The following MEF2D variants were observed in gnomAD, a reference collection of about 807,000 sequenced individuals.
The protein encoded by MEF2D is myocyte enhancer factor 2D, also known as myocyte-specific enhancer factor 2D.
A neutral mutation model predicts 59.3 loss-of-function variants in MEF2D; 10 were observed. The observed-to-expected ratio is 0.17, with a 90% CI of 0.10 to 0.29. MEF2D has a LOEUF of 0.29. MEF2D is among the 10% of genes least tolerant of loss of function. MEF2D has a pLI of 1.00. For synonymous variants in MEF2D, 305 were observed against 295.0 expected, an observed-to-expected ratio of 1.03 and a Z score of -0.35; for missense variants, 508 against 699.4, an observed-to-expected ratio of 0.73 and a Z score of 3.09.
At chr1:156,488,553 C>T (rs1380518925) in intron 1 of MEF2D, among the ~76,000 whole-genome samples, 1 of 152,146 alleles carries the variant, frequency 6.6e-6, no homozygotes, top group African/African-American at 2.4e-5. Flanking sequence ...CAGGTACCGA[C>T]CCAATTAGAA....
intron 9 of MEF2D, among the ~76,000 whole-genome samples, chr1:156,469,241 GAA>G (rs1336678792): frequency 1.3e-5 from 2 of 152,172 alleles, no homozygotes; most frequent in Admixed American, 6.5e-5. Context: ...TTAACAGGAT[GAA>G]AAGATGTGGT....
intron 1 of MEF2D, among the ~76,000 whole-genome samples, chr1:156,490,867 C>G (rs1421462989): frequency 6.6e-6 from 1 of 152,200 alleles, no homozygotes; most frequent in African/African-American, 2.4e-5. Context: ...GTCTTCCTCA[C>G]CCCAGCTTGT....
chr1:156,481,084 AG>A (rs1671983581), intron 3 of MEF2D, 113 bp from the exon 4 acceptor site: 1 of 1,452,516 alleles, frequency 6.9e-7, no homozygotes, highest in Admixed American at 1.9e-5. Flanking sequence ...CTCCTTCTTC[AG>A]GGTTCCCAGC....
In MEF2D at chr1:156,480,937, C is replaced by T; in HGVS notation, c.293G>A (p.Ser98Asn). 6.2e-7 allele frequency: 1 copy of T among 1,612,108 alleles called. No homozygotes were observed. The highest frequency in any genetic ancestry group is 8.5e-7 in the Non-Finnish European group (1 of 1,179,912). The stretch of plus-strand genomic sequence containing the variant: ...CGAGTCCTCCCCGTCGGGCTCGGGG[C>T]TGTCGCAGCCGTTGAAGCCCTTCTT... ...LRKKGFNGCD[S>N]PEPDGEDSLE... Residue 98 changes from serine (S) to asparagine (N), a missense_variant, in exon 4 of 12, where the codon AGC becomes AAC. Physicochemically the swap from Ser to Asn is conservative, Grantham distance 46. This residue lies in a region of MEF2D where 481 missense variants were observed against 584.7 expected (regional missense o/e 0.82). Transcript: ENST00000348159.
chr1:156,486,311 C>T (rs1206244970), intron 1 of MEF2D, among the ~76,000 whole-genome samples: 1 of 151,546 alleles, frequency 6.6e-6, no homozygotes, highest in Non-Finnish European at 1.5e-5. Context: ...CAGTGCAATC[C>T]AAAGACTGTG....
intron 1 of MEF2D, among the ~76,000 whole-genome samples, chr1:156,494,009 T>C (rs1672978451): frequency 6.6e-6 from 1 of 151,980 alleles, no homozygotes; most frequent in Non-Finnish European, 1.5e-5. Context: ...GAGGAGGCAG[T>C]GGTGGTGGCT....
At chr1:156,478,872 AC>A (rs1480916698) in intron 6 of MEF2D, among the ~76,000 whole-genome samples, 2 of 152,186 alleles carry the variant, frequency 1.3e-5, no homozygotes, top group African/African-American at 4.8e-5. Flanking sequence ...TGCACATCTA[AC>A]ATCTGGATAC....
In MEF2D at chr1:156,466,791, A is replaced by G. The variant is rs182605263; in HGVS notation, c.*854T>C. 4 of 152,860 alleles carry G rather than the reference A, an allele frequency of 2.6e-5. No individual in the cohort carries two copies. Among genetic ancestry groups the G allele is most frequent in the East Asian group, 1.9e-4 (1 of 5,180 alleles). The allele number at this position is 152,860 out of a possible 1,614,324, so 9.5% of individuals were successfully genotyped here. A position where few individuals can be genotyped will look rare whatever the true frequency, so the allele number is the denominator to read the frequency against. On this transcript the variant is annotated 3_prime_UTR_variant, in exon 12 of 12. Transcript: ENST00000348159. ...GAGGGGTGGGGAGCTATTGCACTGT[A>G]TATCTTAGAGAAAAACTGGGGAAGG... is the stretch of plus-strand genomic sequence containing the variant.
At chr1:156,469,156 G>C in intron 9 of MEF2D, 136 bp from the exon 10 acceptor site, 2 of 1,216,164 alleles carry the variant, frequency 1.6e-6, no homozygotes, top group Non-Finnish European at 2.2e-6. Flanking sequence ...AATTCAAGAA[G>C]ACCACAAAAA....
At chr1:156,471,042 T>C (rs1465845717) in intron 9 of MEF2D, among the ~76,000 whole-genome samples, 1 of 152,166 alleles carries the variant, frequency 6.6e-6, no homozygotes, top group Non-Finnish European at 1.5e-5. Context: ...AAACGGGCCC[T>C]AGGATCAACT....
intron 9 of MEF2D, among the ~76,000 whole-genome samples, chr1:156,474,601 A>G (rs1439616861): frequency 6.6e-6 from 1 of 152,184 alleles, no homozygotes; most frequent in Non-Finnish European, 1.5e-5. Context: ...GCTTGAGACC[A>G]GGAATTTGAG....
chr1:156,494,903 C>T (rs1673039584), intron 1 of MEF2D, among the ~76,000 whole-genome samples: 1 of 152,168 alleles, frequency 6.6e-6, no homozygotes, highest in Non-Finnish European at 1.5e-5. Flanking sequence ...GGAGTTCTAG[C>T]ACATTCCTTC....
intron 7 of MEF2D, 70 bp downstream of exon 7, chr1:156,476,942 G>C: frequency 1.3e-6 from 2 of 1,561,222 alleles, no homozygotes; most frequent in Non-Finnish European, 1.8e-6. Context: ...TCCTGCTAGA[G>C]GTCTGCTCTT....
Position 156,475,224 on chromosome 1 carries a change from C to T in MEF2D, c.890G>A (p.Arg297His), listed in dbSNP as rs746800393. 1.2e-5 allele frequency: 19 copies of T among 1,611,172 alleles called. No individual in the cohort carries two copies. Among genetic ancestry groups the T allele is most frequent in the East Asian group, 1.1e-4 (5 of 44,816 alleles). Residue 297 changes from arginine to histidine, a missense_variant, in exon 9 of 12, where the codon CGC becomes CAC. Arg to His is a conservative substitution (Grantham distance 29, BLOSUM62 0). Around this residue, in one of 2 missense-constraint regions of MEF2D, gnomAD observed 481 missense variants for 584.7 expected, o/e 0.82. Transcript: ENST00000348159. ...EDHLDLNNAQ[R>H]LGVSQSTHSL... Reference sequence around the variant, plus strand: ...ATGAGTAGACTGGGAGACCCCAAGGCGCTGGGCATTGTTCTGTAGGAGAAA... The same window carrying T: ...ATGAGTAGACTGGGAGACCCCAAGGTGCTGGGCATTGTTCTGTAGGAGAAA...
At chr1:156,476,726 C>T (rs1557881848) in intron 7 of MEF2D, among the ~76,000 whole-genome samples, 1 of 152,176 alleles carries the variant, frequency 6.6e-6, no homozygotes, top group Non-Finnish European at 1.5e-5. Context: ...ACCATCTAAT[C>T]CCCATCCCTC....
Position 156,468,897 on chromosome 1 carries a change from T to G in MEF2D, c.1130A>C (p.Gln377Pro), listed in dbSNP as rs1415980028. The G allele has an allele frequency of 6.2e-7, 1 of 1,613,176 alleles. No homozygotes were observed. Among genetic ancestry groups the G allele is most frequent in the Non-Finnish European group, 8.5e-7 (1 of 1,179,670 alleles). Reference protein sequence around the residue: ...PQQPQQPQQPQPPQQQPPQPQ... With the variant: ...PQQPQQPQQPPPPQQQPPQPQ... ...CTGCGGTGGCTGCTGCTGTGGAGGC[T>G]GTGGCTGCTGCGGCTGCTGGGGCTG... The change falls in exon 10 of 12, where the codon CAG (glutamine) becomes CCG (proline). Residue 377 changes from glutamine to proline, a missense_variant. Gln to Pro is a moderately conservative substitution (Grantham distance 76). Transcript: ENST00000348159. The surrounding 1 kb of genome is among the most constrained non-coding windows in gnomAD (Gnocchi z 4.3).
intron 3 of MEF2D, 71 bp downstream of exon 3, chr1:156,482,366 A>G: frequency 6.5e-7 from 1 of 1,542,970 alleles, no homozygotes; most frequent in Non-Finnish European, 8.9e-7. Flanking sequence ...CTGCGTGTAC[A>G]TGCAACGTGG....
At chr1:156,488,109 T>C (rs970127000) in intron 1 of MEF2D, among the ~76,000 whole-genome samples, 8 of 152,248 alleles carry the variant, frequency 5.3e-5, no homozygotes, top group Non-Finnish European at 7.3e-5. Context: ...CTCTGGCTGA[T>C]TGACTCTGAT....
At chr1:156,498,965 C>A (rs976463995) in intron 1 of MEF2D, among the ~76,000 whole-genome samples, 1 of 152,162 alleles carries the variant, frequency 6.6e-6, no homozygotes, top group African/African-American at 2.4e-5. Context: ...AGTCCTGGGG[C>A]GGGTGTGACC....
Sources: allele counts gnomAD v4.1 joint callset (sites outside exome capture counted in the v4.1 genomes callset), GRCh38; gene constraint gnomAD v4.1.1; regional missense constraint gnomAD v4.1.1; non-coding constraint Gnocchi (gnomAD v3.1); transcripts MANE v1.5; gene names NCBI Gene and HGNC (gene_info 2026-07-23, HGNC 2026-07-21).